ST6GALNAC2: variants seen among roughly 807,000 people sequenced by gnomAD.
ST6GALNAC2 encodes the protein alpha-N-acetylgalactosaminide alpha-2,6-sialyltransferase 2.
ST6GALNAC2 carries 42 observed loss-of-function variants against 38.7 expected under a neutral mutation model. The observed-to-expected ratio is 1.09, with a 90% CI of 0.85 to 1.40. The LOEUF is 1.40. Among genes scored for constraint, ST6GALNAC2 ranks in the 40% most tolerant of loss-of-function variants. The pLI, the probability that ST6GALNAC2 is intolerant of heterozygous loss-of-function variation, is 0.00. For missense variants in ST6GALNAC2, 506 were observed against 481.7 expected (o/e 1.05, Z -0.47); for synonymous variants, 233 against 209.0 (o/e 1.11, Z -0.99).
At chr17:76,575,678 G>A (rs1013504797) in intron 2 of ST6GALNAC2, among the ~76,000 whole-genome samples, 1 of 152,090 alleles carries the variant, frequency 6.6e-6, no homozygotes, top group East Asian at 1.9e-4. Context: ...CAGCAGCCAC[G>A]GGGAAGGAAC....
chr17:76,570,989 T>C, intron 5 of ST6GALNAC2: 1 of 235,658 alleles, frequency 4.2e-6, no homozygotes, highest in South Asian at 7.1e-5. Flanking sequence ...TGTGGCTTCC[T>C]TTACGTTCTC....
Position 76,572,618 on chromosome 17 carries a change from T to C in ST6GALNAC2, c.669+19A>G, listed in dbSNP as rs771485843. ...GGTGCCATTGTCAACCACAATGGCA[T>C]GCCCGCCAGAGGCCTCACCTGTCCT... On this transcript the variant is annotated intron_variant, in intron 5 of 8. Coordinates refer to ENST00000225276, the MANE Select transcript of ST6GALNAC2 (RefSeq NM_006456.3). 28 of 1,613,560 alleles carry C rather than the reference T, an allele frequency of 1.7e-5. No individual in the cohort carries two copies. The highest frequency in any genetic ancestry group is 2.3e-5 in the Non-Finnish European group (27 of 1,179,930).
chr17:76,581,642 C>G (rs891397846), intron 1 of ST6GALNAC2, among the ~76,000 whole-genome samples: 6 of 152,034 alleles, frequency 3.9e-5, no homozygotes, highest in African/African-American at 1.4e-4. Flanking sequence ...TTAGAGTATC[C>G]CTGGTGCTCA....
rs2075445425 is a variant in ST6GALNAC2, at chr17:76,578,802, A to G, written c.140T>C (p.Phe47Ser). 6.2e-7 allele frequency: 1 copy of G among 1,613,594 alleles called. No individual in the cohort carries two copies. The highest frequency in any genetic ancestry group is 1.1e-5 in the South Asian group (1 of 91,008). ...TGCCTTGGATTGAAAGAATGCTTCA[A>G]ATGATGTGGTGTCCCTGGGGGAAAA... is the stretch of plus-strand genomic sequence containing the variant. Reference protein sequence around the residue: ...PAAGARDTTSFEAFFQSKASN... With the variant: ...PAAGARDTTSSEAFFQSKASN... Residue 47 changes from phenylalanine to serine, a missense_variant, in exon 2 of 9, where the codon TTT becomes TCT. Coordinates refer to ENST00000225276, the MANE Select transcript of ST6GALNAC2 (RefSeq NM_006456.3).
intron 1 of ST6GALNAC2, among the ~76,000 whole-genome samples, chr17:76,583,151 G>A (rs780469067): frequency 4.6e-5 from 7 of 152,018 alleles, no homozygotes; most frequent in Non-Finnish European, 8.8e-5. Flanking sequence ...CCAGGTGGAC[G>A]GATCACGAGG....
rs903075700 is a variant in ST6GALNAC2, at chr17:76,572,752, C to T, written c.554G>A (p.Gly185Asp). The change falls in exon 5 of 9, where the codon GGC (glycine) becomes GAC (aspartate). Residue 185 changes from glycine to aspartate, a missense_variant. Gly to Asp is a moderately conservative substitution (Grantham distance 94). Transcript: ENST00000225276. ...VFRLNGAVIKGFERDVGTKTS... is the reference protein window; with the variant it reads ...VFRLNGAVIKDFERDVGTKTS... ...CTTGGTGCCCACATCGCGCTCGAAG[C>T]CTTTGATCACAGCTCCATTGAGTCT... is the stretch of plus-strand genomic sequence containing the variant. The T allele has an allele frequency of 2.5e-6, 4 of 1,614,174 alleles. No individual in the cohort carries two copies. In the Admixed American group the frequency reaches 6.7e-5, roughly 27 times the overall value.
Position 76,574,394 on chromosome 17 carries a change from G to A in ST6GALNAC2, c.332C>T (p.Pro111Leu), listed in dbSNP as rs147926486. The change falls in exon 3 of 9, where the codon CCG becomes CTG. Residue 111 changes from proline to leucine, a missense_variant. Coordinates refer to ENST00000225276, the MANE Select transcript of ST6GALNAC2 (RefSeq NM_006456.3). ...GTGAGAGAGCCCCCGCCAGCCATAC[G>A]GGGCTTTGTGTTGGCTCAGGCGGTC... ...LWDRLSQHKA[P>L]YGWRGLSHQV... The A allele has an allele frequency of 8.1e-6, 13 of 1,613,514 alleles. No individual in the cohort carries two copies. In the African/African-American group the frequency reaches 9.3e-5, roughly 12 times the overall value.
rs189687979 is a variant in ST6GALNAC2 at position 76,568,962 on chromosome 17, G to A, written c.774-166C>T. ...GGGTGTAGAAGGTGGCAGGCAGTAC[G>A]TTGGGGACCACGTGCGGCTTCCCGC... On this transcript the variant is annotated intron_variant, in intron 6 of 8. Transcript: ENST00000225276. 4.5e-4 allele frequency: 281 copies of A among 625,630 alleles called. 2 individuals carry two copies. The African/African-American group carries it at 4.5e-3, about 10-fold the overall frequency. The allele number at this position is 625,630 out of a possible 1,614,324, so 38.8% of individuals were successfully genotyped here.
rs953853642 is a variant in ST6GALNAC2, at chr17:76,570,762, C to T, written c.670-94G>A. On this transcript the variant is annotated intron_variant, in intron 5 of 8. Transcript: ENST00000225276. ...CTCCACCCAACCTTGCCCCCTGAGC[C>T]GACTGGAGAATTTCCCTTAAATACC... 6.2e-5 allele frequency: 58 copies of T among 937,524 alleles called. No homozygotes were observed. The Middle Eastern group carries it at 6.5e-4, about 11-fold the overall frequency. The allele number at this position is 937,524 out of a possible 1,614,324, so 58.1% of individuals were successfully genotyped here.
chr17:76,566,208 T>C lies in ST6GALNAC2; in HGVS notation c.1021A>G (p.Lys341Glu). 6.2e-7 allele frequency: 1 copy of C among 1,614,160 alleles called. No individual in the cohort carries two copies. Among genetic ancestry groups the C allele is most frequent in the South Asian group, 1.1e-5 (1 of 91,088 alleles). ...WKFSDHYFERKMKPLIFYANH... is the reference protein window; with the variant it reads ...WKFSDHYFEREMKPLIFYANH... ...GCATAAAATATCAATGGCTTCATTT[T>C]TCGTTCGAAATAGTGGTCGGAAAAT... Residue 341 changes from lysine (K) to glutamate (E), a missense_variant, in exon 9 of 9, where the codon AAA becomes GAA. By Grantham distance (56) the Lys-to-Glu change is moderately conservative. Coordinates refer to ENST00000225276, the MANE Select transcript of ST6GALNAC2 (RefSeq NM_006456.3).
At chr17:76,569,351 G>C in intron 6 of ST6GALNAC2, 1 of 392,518 alleles carries the variant, frequency 2.5e-6, no homozygotes, top group Non-Finnish European at 4.5e-6. Context: ...GAAGGGTTTC[G>C]AGAGAGGGAT....
chr17:76,577,607 G>C (rs372027381), intron 2 of ST6GALNAC2, among the ~76,000 whole-genome samples: 1 of 134,390 alleles, frequency 7.4e-6, no homozygotes, highest in Non-Finnish European at 1.5e-5. Flanking sequence ...ACGGAGTTTC[G>C]CTCTGTCACT....
chr17:76,578,654 C>T, intron 2 of ST6GALNAC2, 102 bp downstream of exon 2: 1 of 1,162,248 alleles, frequency 8.6e-7, no homozygotes, highest in Non-Finnish European at 1.2e-6. Flanking sequence ...CAAAGAGCTC[C>T]TGCCCAGCAA....
chr17:76,570,517 C>A, intron 6 of ST6GALNAC2, 48 bp downstream of exon 6: 1 of 1,357,386 alleles, frequency 7.4e-7, no homozygotes, highest in South Asian at 1.2e-5. Context: ...ACCACAGTGT[C>A]CCTTGCCCCT....
Position 76,575,072 on chromosome 17 carries a change from C to G in ST6GALNAC2, c.187-533G>C, listed in dbSNP as rs572297938. 2.4e-4 allele frequency among the ~76,000 whole-genome samples: 37 copies of G among 152,306 alleles called. No homozygotes were observed. In the South Asian group the frequency reaches 7.3e-3, roughly 30 times the overall value. On this transcript the variant is annotated intron_variant, in intron 2 of 8. Transcript: ENST00000225276. ...CTTCCTCTCCCAGAGGCCATGTCCC[C>G]TTGGCCTGGTGGTTCTGGCCTCACA...
chr17:76,568,159 G>T, intron 7 of ST6GALNAC2: 1 of 161,542 alleles, frequency 6.2e-6, no homozygotes, highest in Non-Finnish European at 1.4e-5. Flanking sequence ...GGGTTTCTCA[G>T]TCTCAGTGCT....
At chr17:76,576,263 A>G (rs2075414661) in intron 2 of ST6GALNAC2, among the ~76,000 whole-genome samples, 1 of 152,102 alleles carries the variant, frequency 6.6e-6, no homozygotes, top group Non-Finnish European at 1.5e-5. Flanking sequence ...CAAAACAACA[A>G]TAGCAAAACG....
intron 1 of ST6GALNAC2, 118 bp downstream of exon 1, chr17:76,585,565 AG>A (rs1468546732): frequency 5.1e-6 from 6 of 1,185,638 alleles, no homozygotes; most frequent in Non-Finnish European, 6.7e-6. Flanking sequence ...GCTGCCCCAG[AG>A]GGGTCCACGC....
At chr17:76,574,641 T>G in intron 2 of ST6GALNAC2, 102 bp from the exon 3 acceptor site, 12 of 956,210 alleles carry the variant, frequency 1.3e-5, no homozygotes, top group South Asian at 1.8e-5. Context: ...AGGGAAGGCC[T>G]GCCCTGTCCC....
Sources: gnomAD v4.1 joint callset for allele counts (sites outside exome capture counted in the v4.1 genomes callset) on GRCh38, gnomAD v4.1.1 for gene constraint, MANE v1.5 for transcripts, NCBI Gene and HGNC (gene_info 2026-07-23, HGNC 2026-07-21) for gene names.